ABCG8: variants seen among roughly 807,000 people sequenced by gnomAD.
ABCG8 encodes the protein ATP-binding cassette sub-family G member 8.
A neutral mutation model predicts 71.3 loss-of-function variants in ABCG8; 81 were observed. The observed-to-expected ratio is 1.14, with a 90% CI of 0.95 to 1.37. ABCG8 has a LOEUF of 1.37. Ranked by LOEUF, ABCG8 falls within the 40% of genes most tolerant of loss-of-function variation. The pLI, the probability that ABCG8 is intolerant of heterozygous loss-of-function variation, is 0.00. For synonymous variants in ABCG8, 451 were observed against 354.7 expected (o/e 1.27, Z -3.05); for missense variants, 1,119 against 866.2 (o/e 1.29, Z -3.66).
At position 43,851,665 on chromosome 2, in the gene ABCG8, A is replaced by G; in HGVS notation, c.404A>G (p.Asn135Ser). The change falls in exon 4 of 13, where the codon AAT (asparagine) becomes AGT (serine). Residue 135 changes from asparagine to serine, a missense_variant. Transcript: ENST00000272286. The stretch of plus-strand genomic sequence containing the variant: ...ATCAAGTCAGGCCAGATCTGGATCA[A>G]TGGGCAGCCCAGCTCGCCTCAGCTG... ...GKIKSGQIWINGQPSSPQLVR... is the reference protein window; with the variant it reads ...GKIKSGQIWISGQPSSPQLVR... 6.2e-7 allele frequency: 1 copy of G among 1,614,236 alleles called. No individual in the cohort carries two copies. Among genetic ancestry groups the G allele is most frequent in the East Asian group, 2.2e-5 (1 of 44,880 alleles).
chr2:43,860,411 C>T (rs980635896), intron 6 of ABCG8, among the ~76,000 whole-genome samples: 2 of 148,474 alleles, frequency 1.3e-5, no homozygotes, highest in South Asian at 2.2e-4. Flanking sequence ...ACAGTTCTCA[C>T]GATCTGGATA....
intron 6 of ABCG8, among the ~76,000 whole-genome samples, chr2:43,865,372 A>G (rs547914723): frequency 2.4e-4 from 36 of 149,658 alleles, no homozygotes; most frequent in Non-Finnish European, 3.7e-4. Context: ...TACTATCTGG[A>G]TAGAATTCTC....
rs1670033704 is a variant in ABCG8, at chr2:43,878,478, GTCCTGTGAAAACACTTTAGGTGGACAA to G, written c.*569_*595del. The G allele has an allele frequency of 5.4e-6, 1 of 186,374 alleles. No homozygotes were observed. The highest frequency in any genetic ancestry group is 1.1e-5 in the Non-Finnish European group (1 of 87,138). 11.5% of individuals were successfully genotyped at this position (186,374 alleles called of 1,614,324 possible). On this transcript the variant is annotated 3_prime_UTR_variant, in exon 13 of 13. Coordinates refer to ENST00000272286, the MANE Select transcript of ABCG8 (RefSeq NM_022437.3). ...GTATTGAGCATCTACTCTGTAGCAGGTCCTGTGAAAACACTTTAGGTGGACAATCCCTTGAGGTAAGTGGTATCCCAT... is the reference window on the plus strand; with the variant it reads ...GTATTGAGCATCTACTCTGTAGCAGGTCCCTTGAGGTAAGTGGTATCCCAT...
intron 1 of ABCG8, among the ~76,000 whole-genome samples, chr2:43,840,291 C>G (rs1668532975): frequency 6.6e-6 from 1 of 152,234 alleles, no homozygotes; most frequent in African/African-American, 2.4e-5. Flanking sequence ...CTGACCAGCT[C>G]TGCTCTCTGA....
chr2:43,869,471 C>G (rs1669678950), intron 6 of ABCG8, among the ~76,000 whole-genome samples: 1 of 152,258 alleles, frequency 6.6e-6, no homozygotes, highest in African/African-American at 2.4e-5. Flanking sequence ...AGAATTCTCA[C>G]TCTTTGGATG....
intron 8 of ABCG8, 128 bp from the exon 9 acceptor site, chr2:43,873,659 A>G (rs1572865244): frequency 1.1e-5 from 10 of 884,884 alleles, no homozygotes; most frequent in Middle Eastern, 3.3e-4. Context: ...GAGCCACTCT[A>G]TGAGGCAGGT....
intron 6 of ABCG8, among the ~76,000 whole-genome samples, chr2:43,860,591 AACTCTC>A (rs1375011609): frequency 1.3e-5 from 2 of 151,388 alleles, no homozygotes; most frequent in Admixed American, 1.3e-4. Flanking sequence ...ATCTGCAGAG[AACTCTC>A]ACTGTCTATC....
intron 6 of ABCG8, among the ~76,000 whole-genome samples, chr2:43,861,987 G>A (rs1010489807): frequency 2.0e-5 from 3 of 151,306 alleles, no homozygotes; most frequent in Non-Finnish European, 3.0e-5. Flanking sequence ...TATGTGAATA[G>A]AATTCTTACT....
chr2:43,851,640 A>G lies in ABCG8; in HGVS notation c.379A>G (p.Ile127Val), dbSNP rs1233023780. Residue 127 changes from isoleucine (I) to valine (V), a missense_variant, in exon 4 of 13, where the codon ATC becomes GTC. By Grantham distance (29) the Ile-to-Val change is conservative. Transcript: ENST00000272286. ...CACTGGCCGAGGTCACGGCGGCAAG[A>G]TCAAGTCAGGCCAGATCTGGATCAA... ...VITGRGHGGK[I>V]KSGQIWINGQ... 8.7e-6 allele frequency: 14 copies of G among 1,614,214 alleles called. No homozygotes were observed. The highest frequency in any genetic ancestry group is 1.2e-5 in the Non-Finnish European group (14 of 1,180,036).
intron 6 of ABCG8, among the ~76,000 whole-genome samples, chr2:43,864,838 A>G (rs563112136): frequency 1.3e-5 from 2 of 150,914 alleles, no homozygotes; most frequent in South Asian, 4.2e-4. Flanking sequence ...AATACTCACT[A>G]TCTGGATAGA....
At position 43,871,411 on chromosome 2, in the gene ABCG8, G is replaced by C. The variant is rs562637292; in HGVS notation, c.965-565G>C. Among the ~76,000 whole-genome samples the C allele has an allele frequency of 1.6e-3, 245 of 151,524 alleles. 4 individuals carry two copies. The highest frequency in any genetic ancestry group is 2.7e-3 in the Non-Finnish European group (180 of 67,838). ...ATCTGGATAGAATTCTCACCCTCTG[G>C]ATAGAACTGTCACTGTCTATCTGGA... On this transcript the variant is annotated intron_variant, in intron 6 of 12. Coordinates refer to ENST00000272286, the MANE Select transcript of ABCG8 (RefSeq NM_022437.3).
chr2:43,862,479 T>C (rs1363487129), intron 6 of ABCG8, among the ~76,000 whole-genome samples: 1 of 151,216 alleles, frequency 6.6e-6, no homozygotes, highest in African/African-American at 2.4e-5. Flanking sequence ...TGGATAGAAT[T>C]CTCGCTATCT....
intron 6 of ABCG8, among the ~76,000 whole-genome samples, chr2:43,857,014 G>T (rs913401664): frequency 2.0e-5 from 3 of 151,750 alleles, no homozygotes; most frequent in Non-Finnish European, 4.4e-5. Context: ...TATCTACCTG[G>T]ATAGAAGTCT....
At position 43,852,770 on chromosome 2, in the gene ABCG8, G is replaced by GC. The variant is rs1558812080; in HGVS notation, c.867dup (p.Thr290HisfsTer30). On this transcript the variant is annotated frameshift_variant, in exon 6 of 13. Coordinates refer to ENST00000272286, the MANE Select transcript of ABCG8 (RefSeq NM_022437.3). LOFTEE classifies it high-confidence loss of function. Reference sequence around the variant, plus strand: ...GATCTGGTCCTCCTGATGACGTCTGGCACCCCCATCTACTTAGGGGCGGCC... The same window carrying GC: ...GATCTGGTCCTCCTGATGACGTCTGGCCACCCCCATCTACTTAGGGGCGGCC... 6.2e-7 allele frequency: 1 copy of GC among 1,614,088 alleles called. No individual in the cohort carries two copies.
intron 2 of ABCG8, among the ~76,000 whole-genome samples, chr2:43,845,493 G>C (rs138406453): frequency 3.0e-4 from 45 of 152,340 alleles, no homozygotes; most frequent in African/African-American, 8.7e-4. Flanking sequence ...GATGTTAAGT[G>C]ATTAACACAA....
At chr2:43,875,033 C>T (rs1669911261) in intron 10 of ABCG8, 113 bp from the exon 11 acceptor site, 4 of 1,462,356 alleles carry the variant, frequency 2.7e-6, no homozygotes, top group Non-Finnish European at 2.8e-6. Context: ...GCCACAGCCT[C>T]ATCATCACCA....
chr2:43,854,945 C>G (rs1316295637), intron 6 of ABCG8, among the ~76,000 whole-genome samples: 1 of 152,192 alleles, frequency 6.6e-6, no homozygotes, highest in African/African-American at 2.4e-5. Flanking sequence ...GGTCTACAGC[C>G]AAGTGTGCTG....
chr2:43,842,032 A>C (rs1409123853), intron 1 of ABCG8, among the ~76,000 whole-genome samples: 3 of 151,218 alleles, frequency 2.0e-5, no homozygotes, highest in African/African-American at 4.9e-5. Flanking sequence ...TTTTTGACAG[A>C]GTCTCACGCT....
rs958367745 is a variant in ABCG8, at chr2:43,872,446, C to T, written c.1211+140C>T. The T allele has an allele frequency of 7.0e-6, 7 of 999,340 alleles. No individual in the cohort carries two copies. In the Admixed American group the frequency reaches 8.0e-5, roughly 11 times the overall value. 61.9% of individuals were successfully genotyped at this position (999,340 alleles called of 1,614,324 possible). A position where few individuals can be genotyped will look rare whatever the true frequency, so the allele number is the denominator to read the frequency against. On this transcript the variant is annotated intron_variant, in intron 8 of 12. Transcript: ENST00000272286. ...TTGAAAAAAACAGCATCCAGCAGGG[C>T]GTTGGTGGCTTATGCCTGTAATCCC... is the stretch of plus-strand genomic sequence containing the variant.
Sources: gnomAD v4.1 joint callset for allele counts (sites outside exome capture counted in the v4.1 genomes callset) on GRCh38, gnomAD v4.1.1 for gene constraint, MANE v1.5 for transcripts, NCBI Gene and HGNC (gene_info 2026-07-23, HGNC 2026-07-21) for gene names.